Variants in PURG observed in about 807,000 individuals in gnomAD.
PURG encodes the protein purine-rich element-binding protein gamma.
Under a neutral mutation model 24.3 loss-of-function variants are expected in PURG, and 3 were observed. The ratio of observed to expected loss-of-function variants is 0.12; its 90% CI spans 0.06 to 0.32. PURG has a LOEUF of 0.32. Among genes scored for constraint, PURG ranks in the 10% least tolerant of loss-of-function variants. PURG has a pLI of 1.00. For missense variants in PURG, 371 were observed against 439.1 expected, an observed-to-expected ratio of 0.84 and a Z score of 1.39; for synonymous variants, 180 against 173.1, an observed-to-expected ratio of 1.04 and a Z score of -0.31.
downstream of PURG, among the ~76,000 whole-genome samples, chr8:31,028,039 ATTAC>A (rs1266992009): frequency 1.3e-5 from 2 of 151,908 alleles, no homozygotes; most frequent in South Asian, 2.1e-4. Context: ...ATATTTATTC[ATTAC>A]TTAAACACAT....
At chr8:31,011,597 C>T (rs913460182) in intron 1 of PURG, among the ~76,000 whole-genome samples, 3 of 151,986 alleles carry the variant, frequency 2.0e-5, no homozygotes, top group Non-Finnish European at 4.4e-5. Flanking sequence ...GCTTTAAATA[C>T]ACTTCCATAT....
rs185106738 is a variant in PURG at position 31,000,234 on chromosome 8, A to T, written c.865-3537T>A. Among the ~76,000 whole-genome samples, 9 of 152,226 alleles carry T rather than the reference A, an allele frequency of 5.9e-5. No individual in the cohort carries two copies. In the East Asian group the frequency reaches 1.7e-3, roughly 29 times the overall value. On this transcript the variant is annotated intron_variant, in intron 1 of 1. Transcript: ENST00000339382. ...AAATGGAAATGTTCAGAGATAATAT[A>T]ATGACAAAAGGACAGTAGAGAACAA...
chr8:31,009,960 G>A (rs562042302), intron 1 of PURG, among the ~76,000 whole-genome samples: 2 of 152,250 alleles, frequency 1.3e-5, no homozygotes, highest in East Asian at 3.9e-4. Flanking sequence ...AGCTGGGCAT[G>A]GTGGTGCATG....
intron 1 of PURG, among the ~76,000 whole-genome samples, chr8:31,000,956 T>C (rs1810525034): frequency 6.6e-6 from 1 of 152,238 alleles, no homozygotes; most frequent in Non-Finnish European, 1.5e-5. Context: ...CAAACCTTCC[T>C]ACAGTTTCTG....
chr8:31,027,168 AT>A, downstream of PURG, among the ~76,000 whole-genome samples: 1 of 151,832 alleles, frequency 6.6e-6, no homozygotes, highest in South Asian at 2.1e-4. Context: ...TTTCAGAAGG[AT>A]TTAAGATCCT....
chr8:31,023,479 G>A (rs1047396534), intron 1 of PURG, among the ~76,000 whole-genome samples: 31 of 151,548 alleles, frequency 2.0e-4, no homozygotes, highest in Non-Finnish European at 2.6e-4. Flanking sequence ...CATAGCTGAG[G>A]ACTGGGGTGC....
intron 1 of PURG, among the ~76,000 whole-genome samples, chr8:31,011,048 G>C (rs776269695): frequency 8.5e-5 from 13 of 152,140 alleles, no homozygotes; most frequent in Non-Finnish European, 1.6e-4. Flanking sequence ...AATCTCATTT[G>C]GTTGGCTAAG....
chr8:31,006,185 A>T (rs1379833496), intron 1 of PURG, among the ~76,000 whole-genome samples: 1 of 152,196 alleles, frequency 6.6e-6, no homozygotes, highest in African/African-American at 2.4e-5. Flanking sequence ...TTATTACACT[A>T]CCTGACAATT....
chr8:31,027,336 T>C (rs942993049), downstream of PURG, among the ~76,000 whole-genome samples: 2 of 151,206 alleles, frequency 1.3e-5, no homozygotes, highest in Non-Finnish European at 3.0e-5. Context: ...AAGCTTTGAA[T>C]AGGATTTCAT....
chr8:31,006,110 G>C (rs981935553), intron 1 of PURG, among the ~76,000 whole-genome samples: 19 of 152,140 alleles, frequency 1.2e-4, no homozygotes, highest in Admixed American at 3.3e-4. Context: ...TCGTTCATCA[G>C]CTTTAAAGAG....
downstream of PURG, among the ~76,000 whole-genome samples, chr8:31,028,858 G>A (rs1811137604): frequency 2.0e-5 from 3 of 151,758 alleles, no homozygotes; most frequent in Admixed American, 6.6e-5. Flanking sequence ...ATTATTAGGT[G>A]CAAACATCAT....
chr8:31,027,794 T>C (rs910083040), downstream of PURG, among the ~76,000 whole-genome samples: 1 of 151,754 alleles, frequency 6.6e-6, no homozygotes, highest in Non-Finnish European at 1.5e-5. Flanking sequence ...TTTTCAAATG[T>C]ACATCTTAAG....
chr8:30,997,617 T>A (rs1488646115), intron 1 of PURG, among the ~76,000 whole-genome samples: 1 of 151,108 alleles, frequency 6.6e-6, no homozygotes, highest in African/African-American at 2.4e-5. Context: ...TAAAGATAAG[T>A]AAACTTACAG....
chr8:31,010,125 A>C (rs925613383), intron 1 of PURG, among the ~76,000 whole-genome samples: 2 of 152,202 alleles, frequency 1.3e-5, no homozygotes, highest in Admixed American at 1.3e-4. Flanking sequence ...AAAATAATAA[A>C]AAATGGAATG....
intron 1 of PURG, among the ~76,000 whole-genome samples, chr8:31,013,100 TGC>T (rs1294843213): frequency 2.0e-5 from 3 of 152,198 alleles, no homozygotes; most frequent in African/African-American, 7.2e-5. Flanking sequence ...TTATTTAATA[TGC>T]TTCAAGTCAG....
chr8:31,013,225 C>T (rs1484241637), intron 1 of PURG, among the ~76,000 whole-genome samples: 4 of 152,046 alleles, frequency 2.6e-5, no homozygotes, highest in Non-Finnish European at 5.9e-5. Context: ...GATCAACAAA[C>T]CAAATCACAT....
At chr8:31,002,890 G>C (rs1231079788) in intron 1 of PURG, among the ~76,000 whole-genome samples, 1 of 152,190 alleles carries the variant, frequency 6.6e-6, no homozygotes, top group Non-Finnish European at 1.5e-5. Context: ...ATTATCGGCA[G>C]TTTAATTAAA....
chr8:31,009,829 T>G (rs1810731348), intron 1 of PURG, among the ~76,000 whole-genome samples: 1 of 152,204 alleles, frequency 6.6e-6, no homozygotes. Flanking sequence ...CAAACAGGTT[T>G]CTGAAAAAGT....
chr8:31,022,436 C>T (rs1458863655), intron 1 of PURG, among the ~76,000 whole-genome samples: 5 of 152,108 alleles, frequency 3.3e-5, no homozygotes, highest in Non-Finnish European at 7.3e-5. Context: ...CTGGCAAGAG[C>T]GTGGAGAACA....
Sources: allele counts gnomAD v4.1 joint callset (sites outside exome capture counted in the v4.1 genomes callset), GRCh38; gene constraint gnomAD v4.1.1; transcripts MANE v1.5; gene names NCBI Gene and HGNC (gene_info 2026-07-23, HGNC 2026-07-21).